TANC1: variants seen among roughly 807,000 people sequenced by gnomAD.
TANC1 encodes tetratricopeptide repeat, ankyrin repeat and coiled-coil containing 1.
A neutral mutation model predicts 149.7 loss-of-function variants in TANC1; 77 were observed. The observed-to-expected ratio is 0.51, with a 90% CI of 0.43 to 0.62. TANC1 has a LOEUF of 0.62. TANC1 is among the 20% of genes least tolerant of loss of function. The pLI, the probability that TANC1 is intolerant of heterozygous loss-of-function variation, is 0.00. For synonymous variants in TANC1, 854 were observed against 925.0 expected (o/e 0.92, Z 1.39); for missense variants, 1,985 against 2,321.8 (o/e 0.85, Z 2.98).
intron 25 of TANC1, 26 bp downstream of exon 25, chr2:159,227,991 C>A (rs1324763148): frequency 1.5e-5 from 24 of 1,601,462 alleles, no homozygotes; most frequent in African/African-American, 2.7e-5. Context: ...TTATTCCAAC[C>A]CAGTCTTCCA....
At chr2:159,181,562 G>A (rs1292377839) in intron 14 of TANC1, among the ~76,000 whole-genome samples, 3 of 152,222 alleles carry the variant, frequency 2.0e-5, no homozygotes, top group Non-Finnish European at 4.4e-5. Context: ...CTCCCAGAGT[G>A]CTGGGATTAC....
intron 19 of TANC1, 99 bp downstream of exon 19, chr2:159,199,152 C>A (rs1003483218): frequency 1.2e-6 from 1 of 803,594 alleles, no homozygotes. Flanking sequence ...ATATGTAGTC[C>A]TGTTTCTATT....
intron 2 of TANC1, among the ~76,000 whole-genome samples, chr2:159,042,070 C>T (rs1050898622): frequency 6.6e-6 from 1 of 152,192 alleles, no homozygotes; most frequent in Admixed American, 6.5e-5. Flanking sequence ...CTGAACCCAT[C>T]CCCTGTATTA....
chr2:159,228,730 T>C (rs559356166), intron 25 of TANC1, 66 bp from the exon 26 acceptor site: 2 of 1,203,342 alleles, frequency 1.7e-6, no homozygotes, highest in African/African-American at 3.0e-5. Context: ...AGAACAAAAC[T>C]AGACGGGCTT....
At chr2:159,027,223 T>C (rs1313417517) in intron 2 of TANC1, 1 of 152,232 alleles carries the variant, frequency 6.6e-6, no homozygotes, top group Non-Finnish European at 1.5e-5. Flanking sequence ...ACATTTTGTC[T>C]TTAAGTCATT....
chr2:159,104,844 T>A (rs2047003328), intron 4 of TANC1, among the ~76,000 whole-genome samples: 1 of 117,418 alleles, frequency 8.5e-6, no homozygotes, highest in African/African-American at 2.7e-5. Flanking sequence ...ATTACAGGCA[T>A]GAGCCACTGC....
intron 7 of TANC1, among the ~76,000 whole-genome samples, chr2:159,157,396 G>T (rs1203033343): frequency 6.6e-6 from 1 of 152,154 alleles, no homozygotes; most frequent in Admixed American, 6.5e-5. Context: ...TTTAAGTCAG[G>T]CCGGTTTCAT....
intron 19 of TANC1, among the ~76,000 whole-genome samples, chr2:159,213,263 A>G (rs1039685068): frequency 6.6e-6 from 1 of 152,130 alleles, no homozygotes; most frequent in Non-Finnish European, 1.5e-5. Flanking sequence ...CCCAAGCCTT[A>G]TGTTAGTAGG....
At position 159,095,230 on chromosome 2, in the gene TANC1, G is replaced by A. The variant is rs371920026; in HGVS notation, c.62-2407G>A. Among the ~76,000 whole-genome samples, 9 of 152,270 alleles carry A rather than the reference G, an allele frequency of 5.9e-5. No homozygotes were observed. In the East Asian group the frequency reaches 1.7e-3, roughly 29 times the overall value. ...CAAAATGTTGGGATTATGGGCATGA[G>A]CCACTGCACCCAGCCCTAGTGAGTT... On this transcript the variant is annotated intron_variant, in intron 3 of 26. Coordinates refer to ENST00000263635, the MANE Select transcript of TANC1 (RefSeq NM_033394.3).
chr2:159,107,066 C>T (rs558239122), intron 4 of TANC1, among the ~76,000 whole-genome samples: 2 of 152,296 alleles, frequency 1.3e-5, no homozygotes, highest in South Asian at 2.1e-4. Flanking sequence ...CGCTCTGTCT[C>T]GCCCAGGCTG....
At chr2:159,073,923 A>T in intron 3 of TANC1, among the ~76,000 whole-genome samples, 1 of 152,180 alleles carries the variant, frequency 6.6e-6, no homozygotes, top group Non-Finnish European at 1.5e-5. Context: ...GTGGCTGGTG[A>T]TCCAAACTGA....
At chr2:159,071,612 C>T (rs1200307683) in intron 3 of TANC1, among the ~76,000 whole-genome samples, 1 of 152,228 alleles carries the variant, frequency 6.6e-6, no homozygotes, top group Non-Finnish European at 1.5e-5. Flanking sequence ...GATTGTTAAA[C>T]TTGGTATTTT....
chr2:158,989,470 C>T (rs534718142), intron 1 of TANC1, among the ~76,000 whole-genome samples: 4 of 151,872 alleles, frequency 2.6e-5, no homozygotes, highest in South Asian at 2.1e-4. Context: ...ATCAGCTGAA[C>T]GTGGTGGCTC....
intron 3 of TANC1, among the ~76,000 whole-genome samples, chr2:159,087,399 T>C (rs1238994488): frequency 2.0e-5 from 3 of 152,060 alleles, no homozygotes; most frequent in Non-Finnish European, 4.4e-5. Flanking sequence ...CCTGGTGCAG[T>C]TTTAGAAGAT....
chr2:159,086,185 C>A (rs1202277219), intron 3 of TANC1, among the ~76,000 whole-genome samples: 1 of 151,544 alleles, frequency 6.6e-6, no homozygotes, highest in African/African-American at 2.4e-5. Context: ...GTGGAGTTCT[C>A]TGTTATTATA....
chr2:159,106,194 A>G lies in TANC1; in HGVS notation c.259+8360A>G, dbSNP rs80091481. ...TCGATGTTCTTTTTGTAGCATTTTC[A>G]CAGGGTTGTGCAACCATCCCCACAG... On this transcript the variant is annotated intron_variant, in intron 4 of 26. Coordinates refer to ENST00000263635, the MANE Select transcript of TANC1 (RefSeq NM_033394.3). Among the ~76,000 whole-genome samples the G allele has an allele frequency of 6.8e-3, 1,030 of 152,210 alleles. 13 individuals are homozygous for G. The highest frequency in any genetic ancestry group is 0.024 in the African/African-American group (993 of 41,508).
At chr2:159,225,560 C>G in intron 23 of TANC1, 128 bp from the exon 24 acceptor site, 2 of 711,578 alleles carry the variant, frequency 2.8e-6, no homozygotes, top group Non-Finnish European at 5.1e-6. Context: ...TGCTCCCTCC[C>G]TCATCGTGCT....
chr2:159,136,037 TGTGTGTGTGTGTGCGC>T (rs1387243672), intron 4 of TANC1, among the ~76,000 whole-genome samples, 141 bp from the exon 5 acceptor site: 35 of 76,228 alleles, frequency 4.6e-4, no homozygotes, highest in African/African-American at 1.0e-3. Context: ...TGTGTGTGTG[TGTGTGTGTGTGTGCGC>T]GCGCGCGCGT....
intron 2 of TANC1, among the ~76,000 whole-genome samples, chr2:159,015,846 C>A (rs1379650634): frequency 6.6e-6 from 1 of 152,174 alleles, no homozygotes; most frequent in African/African-American, 2.4e-5. Flanking sequence ...GAGTCCATGC[C>A]AGCCTGGATT....
Sources: gnomAD v4.1 joint callset for allele counts (sites outside exome capture counted in the v4.1 genomes callset) on GRCh38, gnomAD v4.1.1 for gene constraint, MANE v1.5 for transcripts, NCBI Gene and HGNC (gene_info 2026-07-23, HGNC 2026-07-21) for gene names.